MAGI1: variants seen among roughly 807,000 people sequenced by gnomAD.
The protein encoded by MAGI1 is membrane-associated guanylate kinase, WW and PDZ domain-containing protein 1.
A neutral mutation model predicts 139.9 loss-of-function variants in MAGI1; 58 were observed. That is an observed-to-expected ratio of 0.41 (90% CI 0.34 to 0.52). The LOEUF (loss-of-function observed/expected upper bound fraction) is 0.52. Ranked by LOEUF, MAGI1 falls within the 20% of genes least tolerant of loss-of-function variation. The pLI, the probability that MAGI1 is intolerant of heterozygous loss-of-function variation, is 0.12. For synonymous variants in MAGI1, 812 were observed against 737.9 expected (o/e 1.10, Z -1.63); for missense variants, 1,874 against 1,901.6 (o/e 0.99, Z 0.27).
intron 1 of MAGI1, among the ~76,000 whole-genome samples, chr3:65,854,580 A>C (rs1465732714): frequency 6.6e-5 from 10 of 152,270 alleles, no homozygotes; most frequent in Non-Finnish European, 1.5e-4. Flanking sequence ...TAACTTTGCA[A>C]TATGTTCATG....
At chr3:65,653,074 A>G (rs2085674829) in intron 1 of MAGI1, among the ~76,000 whole-genome samples, 1 of 152,152 alleles carries the variant, frequency 6.6e-6, no homozygotes, top group South Asian at 2.1e-4. Flanking sequence ...ATGAGATGAG[A>G]AAACTTGTAT....
intron 1 of MAGI1, among the ~76,000 whole-genome samples, chr3:65,726,175 T>C (rs1041896903): frequency 6.6e-6 from 1 of 152,222 alleles, no homozygotes; most frequent in Non-Finnish European, 1.5e-5. Context: ...CACAGTCTTG[T>C]CATTGATTAG....
intron 2 of MAGI1, among the ~76,000 whole-genome samples, chr3:65,518,874 T>C (rs2078023182): frequency 6.6e-6 from 1 of 152,130 alleles, no homozygotes; most frequent in South Asian, 2.1e-4. Flanking sequence ...ATATGTCACT[T>C]AACGTGAGGG....
intron 1 of MAGI1, among the ~76,000 whole-genome samples, chr3:65,711,113 T>C (rs1303487224): frequency 1.3e-5 from 2 of 152,242 alleles, no homozygotes; most frequent in Non-Finnish European, 2.9e-5. Context: ...CAACAACTAG[T>C]CACCAAACAC....
At chr3:66,034,110 C>A (rs1294045626) in intron 1 of MAGI1, among the ~76,000 whole-genome samples, 1 of 152,102 alleles carries the variant, frequency 6.6e-6, no homozygotes, top group Non-Finnish European at 1.5e-5. Flanking sequence ...CATCAGAATC[C>A]CTTGAGGGTT....
chr3:65,564,069 G>A (rs1335685898), intron 2 of MAGI1, among the ~76,000 whole-genome samples: 1 of 152,058 alleles, frequency 6.6e-6, no homozygotes, highest in Non-Finnish European at 1.5e-5. Context: ...TATCTCCAGA[G>A]GCTGAAAGGG....
chr3:65,401,352 T>C, intron 13 of MAGI1, 87 bp downstream of exon 13: 1 of 1,484,364 alleles, frequency 6.7e-7, no homozygotes, highest in South Asian at 1.2e-5. Context: ...TTTAGTGAAG[T>C]GAAGCCACAC....
intron 13 of MAGI1, among the ~76,000 whole-genome samples, chr3:65,397,231 G>A (rs891438178): frequency 6.6e-6 from 1 of 152,216 alleles, no homozygotes; most frequent in African/African-American, 2.4e-5. Context: ...GTCTGAGAAA[G>A]AGGCAGGGTA....
intron 1 of MAGI1, chr3:65,902,600 TACC>T (rs1200264086): frequency 1.3e-5 from 2 of 152,762 alleles, no homozygotes; most frequent in African/African-American, 4.8e-5. Context: ...CTCTTACCTG[TACC>T]AGCCTGTGGC....
intron 1 of MAGI1, among the ~76,000 whole-genome samples, chr3:65,779,984 G>A (rs766373080): frequency 1.3e-5 from 2 of 149,650 alleles, no homozygotes; most frequent in African/African-American, 4.9e-5. Flanking sequence ...CTTGAAAAGG[G>A]GGTGGTCCTG....
chr3:65,454,526 T>TATAATAATA (rs35819390), intron 5 of MAGI1, among the ~76,000 whole-genome samples: 183 of 83,104 alleles, frequency 2.2e-3, no homozygotes, highest in African/African-American at 7.6e-3. Flanking sequence ...AAACTGAAAG[T>TATAATAATA]ATAATAATAA....
intron 2 of MAGI1, among the ~76,000 whole-genome samples, chr3:65,552,261 T>A (rs760671256): frequency 1.4e-5 from 1 of 70,518 alleles, no homozygotes; most frequent in Admixed American, 1.7e-4. Flanking sequence ...TGTATAGGGG[T>A]GTGTGTGTGT....
intron 6 of MAGI1, among the ~76,000 whole-genome samples, chr3:65,449,822 C>T (rs1444451960): frequency 6.6e-6 from 1 of 152,042 alleles, no homozygotes; most frequent in Non-Finnish European, 1.5e-5. Flanking sequence ...GGAGACAAAT[C>T]CAAGGCTCAC....
At chr3:65,360,072 C>T (rs1940654723) in intron 22 of MAGI1, 4 of 985,374 alleles carry the variant, frequency 4.1e-6, no homozygotes, top group Non-Finnish European at 4.8e-6. Flanking sequence ...ACCTCGGACC[C>T]CTCGTATTTT....
At position 65,646,365 on chromosome 3, in the gene MAGI1, T is replaced by C. The variant is rs543619334; in HGVS notation, c.314-24277A>G. ...AGAAAACATAGCAATCCTAAATGTG[T>C]GTGCACTAAACAAGAGAGCTGCAAA... On this transcript the variant is annotated intron_variant, in intron 1 of 22. Coordinates refer to ENST00000402939, the MANE Select transcript of MAGI1 (RefSeq NM_001033057.2). 5.9e-5 allele frequency among the ~76,000 whole-genome samples: 9 copies of C among 151,266 alleles called. 1 individual carries two copies. The South Asian group carries it at 1.9e-3, about 32-fold the overall frequency.
chr3:66,024,104 G>A (rs1202887345), intron 1 of MAGI1, among the ~76,000 whole-genome samples: 1 of 151,772 alleles, frequency 6.6e-6, no homozygotes, highest in Non-Finnish European at 1.5e-5. Context: ...CAGTATCCTG[G>A]GCCCTGAGAA....
rs1162792947 is a variant in MAGI1, at chr3:65,778,440, AAAAAT to A, written c.314-156357_314-156353del. ...AGTGAAACTCTGTCTCAAAAAAAAA[AAAAAT>A]AAATAAATAAGTCTTTTGAGAAATG... On this transcript the variant is annotated intron_variant, in intron 1 of 22. Transcript: ENST00000402939. 3.6e-3 allele frequency among the ~76,000 whole-genome samples: 488 copies of A among 135,124 alleles called. 32 individuals carry two copies. Among genetic ancestry groups the A allele is most frequent in the Middle Eastern group, 0.016 (4 of 250 alleles). The allele number at this position is 135,124 out of a possible 152,430, so 88.6% of individuals were successfully genotyped here. A position where few individuals can be genotyped will look rare whatever the true frequency, so the allele number is the denominator to read the frequency against.
At chr3:65,970,227 C>T (rs2064955883) in intron 1 of MAGI1, among the ~76,000 whole-genome samples, 1 of 152,142 alleles carries the variant, frequency 6.6e-6, no homozygotes, top group African/African-American at 2.4e-5. Context: ...GCTAAGTGAA[C>T]TATGCCGATC....
intron 1 of MAGI1, among the ~76,000 whole-genome samples, chr3:65,701,083 AG>A (rs2089574265): frequency 6.6e-6 from 1 of 152,226 alleles, no homozygotes; most frequent in Admixed American, 6.5e-5. Flanking sequence ...TTCTAAAAAC[AG>A]GTTTACCAAT....
Sources: allele counts gnomAD v4.1 joint callset (sites outside exome capture counted in the v4.1 genomes callset), GRCh38; gene constraint gnomAD v4.1.1; transcripts MANE v1.5; gene names NCBI Gene and HGNC (gene_info 2026-07-23, HGNC 2026-07-21).